Variants in BAIAP2 observed in about 807,000 individuals in gnomAD.
BAIAP2 encodes BAR/IMD domain containing adaptor protein 2.
Under a neutral mutation model 63.0 loss-of-function variants are expected in BAIAP2, and 18 were observed. That is an observed-to-expected ratio of 0.29 (90% confidence interval 0.20 to 0.42). BAIAP2 has a LOEUF of 0.42. Ranked by LOEUF, BAIAP2 falls within the 10% of genes least tolerant of loss-of-function variation. The pLI is 1.00. For synonymous variants in BAIAP2, 386 were observed against 307.6 expected (o/e 1.25, Z -2.67); for missense variants, 610 against 734.3 (o/e 0.83, Z 1.96).
Position 81,100,023 on chromosome 17 carries a change from C to T in BAIAP2, c.585C>T (p.Cys195=). Reference sequence around the variant, plus strand: ...TGACAGAGGAGCGCAGGCGCTTCTGCTTCCTGGTGGAGAAGCAGTGCGCCG... The same window carrying T: ...TGACAGAGGAGCGCAGGCGCTTCTGTTTCCTGGTGGAGAAGCAGTGCGCCG... ...TALTEERRRF[C]FLVEKQCAVA... is the part of the protein sequence containing the mutation. The change falls in exon 7 of 14, where the codon TGC becomes TGT. Residue 195 remains cysteine (C), a synonymous_variant. Coordinates refer to ENST00000428708, the MANE Select transcript of BAIAP2 (RefSeq NM_001144888.2). 6.2e-7 allele frequency: 1 copy of T among 1,612,964 alleles called. No individual in the cohort carries two copies. Among genetic ancestry groups the T allele is most frequent in the Non-Finnish European group, 8.5e-7 (1 of 1,179,948 alleles).
At position 81,035,151 on chromosome 17, in the gene BAIAP2, G is replaced by A. The variant is rs1415827088; in HGVS notation, c.-104G>A. ...TGGCCGCCGCCGGACGCCGGGCTCT[G>A]TGGTTCGGGTCCGCTTTCGTCTCCG... On this transcript the variant is annotated 5_prime_UTR_variant, in exon 1 of 14. It adds an upstream start codon to the 5' untranslated region. Coordinates refer to ENST00000428708, the MANE Select transcript of BAIAP2 (RefSeq NM_001144888.2). 1 of 919,822 alleles carries A rather than the reference G, an allele frequency of 1.1e-6. No individual in the cohort carries two copies. Among genetic ancestry groups the A allele is most frequent in the South Asian group, 2.3e-5 (1 of 43,162 alleles). 57.0% of individuals were successfully genotyped at this position (919,822 alleles called of 1,614,324 possible).
chr17:81,080,648 C>G (rs2054456066), intron 3 of BAIAP2, among the ~76,000 whole-genome samples: 1 of 152,200 alleles, frequency 6.6e-6, no homozygotes, highest in Non-Finnish European at 1.5e-5. Context: ...CCTCTTGACT[C>G]CATTGTGTGT....
chr17:81,090,100 C>T (rs931753156), intron 6 of BAIAP2, among the ~76,000 whole-genome samples: 1 of 152,066 alleles, frequency 6.6e-6, no homozygotes, highest in African/African-American at 2.4e-5. Flanking sequence ...GTGGGTGGCC[C>T]CAGGCTGGAC....
intron 3 of BAIAP2, among the ~76,000 whole-genome samples, chr17:81,079,194 C>G (rs1208977100): frequency 2.0e-5 from 3 of 152,204 alleles, no homozygotes; most frequent in Non-Finnish European, 4.4e-5. Context: ...GTTTTCCTTG[C>G]TGGGGAGCAG....
At chr17:81,069,466 G>T (rs2052156621) in intron 3 of BAIAP2, among the ~76,000 whole-genome samples, 1 of 152,180 alleles carries the variant, frequency 6.6e-6, no homozygotes, top group South Asian at 2.1e-4. Context: ...GGGGCGGCCG[G>T]TCTGAACTGC....
rs769418996 is a variant in BAIAP2, at chr17:81,057,979, C to CG, written c.217+12_217+13insG. 2 of 1,084,508 alleles carry CG rather than the reference C, an allele frequency of 1.8e-6. No homozygotes were observed. Among genetic ancestry groups the CG allele is most frequent in the East Asian group, 3.8e-5 (1 of 26,602 alleles). The allele number at this position is 1,084,508 out of a possible 1,614,324, so 67.2% of individuals were successfully genotyped here. ...CTCCAAAGAACTCGGTGAGACCCCCCCCCCCCCCCCGCCTGGTAGTCGCCT... is the reference window on the plus strand; with the variant it reads ...CTCCAAAGAACTCGGTGAGACCCCCCGCCCCCCCCCCGCCTGGTAGTCGCCT... On this transcript the variant is annotated intron_variant, in intron 3 of 13. Coordinates refer to ENST00000428708, the MANE Select transcript of BAIAP2 (RefSeq NM_001144888.2).
chr17:81,047,365 A>G (rs1276009711), intron 1 of BAIAP2, among the ~76,000 whole-genome samples: 1 of 151,966 alleles, frequency 6.6e-6, no homozygotes, highest in Non-Finnish European at 1.5e-5. Flanking sequence ...CTGGGTGAGG[A>G]TTAGGGTGAT....
chr17:81,108,979 C>T (rs148635993), intron 13 of BAIAP2: 191 of 1,548,946 alleles, frequency 1.2e-4, no homozygotes, highest in Non-Finnish European at 1.6e-4. Flanking sequence ...GGCAGCGGCA[C>T]GCTGGTGTCC....
chr17:81,091,065 C>T (rs1234442396), intron 6 of BAIAP2, among the ~76,000 whole-genome samples: 3 of 88,500 alleles, frequency 3.4e-5, no homozygotes. Flanking sequence ...CTTGTGTGGA[C>T]CCGCCCCCAC....
At chr17:81,092,445 G>T (rs1200936327) in intron 6 of BAIAP2, among the ~76,000 whole-genome samples, 5 of 152,182 alleles carry the variant, frequency 3.3e-5, no homozygotes, top group Non-Finnish European at 5.9e-5. Context: ...GCGTGAGGTT[G>T]GCCAGGCCCT....
intron 7 of BAIAP2, 25 bp downstream of exon 7, chr17:81,100,105 T>TGCCGGCGCTGG: frequency 6.3e-7 from 1 of 1,595,308 alleles, no homozygotes; most frequent in Non-Finnish European, 8.5e-7. Flanking sequence ...GGCTGCGCTG[T>TGCCGGCGCTGG]GCCGGCGCTG....
At chr17:81,049,085 G>A (rs1035262289) in intron 1 of BAIAP2, among the ~76,000 whole-genome samples, 3 of 152,246 alleles carry the variant, frequency 2.0e-5, no homozygotes, top group African/African-American at 4.8e-5. Flanking sequence ...GTGCCGGCCC[G>A]GGAACGCGGC....
At chr17:81,101,595 TC>T (rs1346127530) in intron 7 of BAIAP2, among the ~76,000 whole-genome samples, 7 of 151,894 alleles carry the variant, frequency 4.6e-5, no homozygotes, top group Admixed American at 6.6e-5. Context: ...TGACACTTGT[TC>T]CCCCCACCCA....
intron 12 of BAIAP2, 177 bp downstream of exon 12, chr17:81,107,084 C>T (rs2059273498): frequency 7.8e-6 from 6 of 767,922 alleles, no homozygotes; most frequent in African/African-American, 1.8e-5. Flanking sequence ...GCTTCGGCCT[C>T]AGGCTGCCCG....
chr17:81,114,826 C>G (rs1381340074), intron 13 of BAIAP2, among the ~76,000 whole-genome samples: 2 of 152,184 alleles, frequency 1.3e-5, no homozygotes, highest in Non-Finnish European at 2.9e-5. Flanking sequence ...CTGCCCGTCC[C>G]CAGGGTTGTT....
intron 13 of BAIAP2, chr17:81,108,753 C>A: frequency 1.1e-6 from 1 of 908,278 alleles, no homozygotes; most frequent in Non-Finnish European, 1.6e-6. Context: ...CCCTGTCAGG[C>A]AAGGTTGGGG....
rs144600827 is a variant in BAIAP2, at chr17:81,085,458, T to C, written c.280-196T>C. On this transcript the variant is annotated intron_variant, in intron 4 of 13. Coordinates refer to ENST00000428708, the MANE Select transcript of BAIAP2 (RefSeq NM_001144888.2). ...GATTGTCCGACGTTCCAGACTCCTG[T>C]TCAGCACTCGCTCCTGGCTCCAGAG... 7.6e-4 allele frequency: 532 copies of C among 697,248 alleles called. 2 individuals carry two copies. The East Asian group carries it at 0.011, about 14-fold the overall frequency. The allele number at this position is 697,248 out of a possible 1,614,324, so 43.2% of individuals were successfully genotyped here.
At chr17:81,086,705 G>T (rs917794978) in intron 6 of BAIAP2, 125 bp downstream of exon 6, 242 of 1,148,244 alleles carry the variant, frequency 2.1e-4, no homozygotes, top group Non-Finnish European at 2.9e-4. Context: ...GGCAGGCTGT[G>T]TGTCCCTGGT....
chr17:81,051,617 C>T (rs549758698), intron 1 of BAIAP2, among the ~76,000 whole-genome samples: 39 of 152,262 alleles, frequency 2.6e-4, no homozygotes, highest in Admixed American at 2.1e-3. Flanking sequence ...GGATGGTCTC[C>T]ATCTGACCTC....
Sources: gnomAD v4.1 joint callset for allele counts (sites outside exome capture counted in the v4.1 genomes callset) on GRCh38, gnomAD v4.1.1 for gene constraint, MANE v1.5 for transcripts, NCBI Gene and HGNC (gene_info 2026-07-23, HGNC 2026-07-21) for gene names.